The following MED27 variants were observed in gnomAD, a reference collection of about 807,000 sequenced individuals.
The protein encoded by MED27 is mediator of RNA polymerase II transcription subunit 27.
MED27 carries 30 observed loss-of-function variants against 38.2 expected under a neutral mutation model. That is an observed-to-expected ratio of 0.79 (90% CI 0.59 to 1.07). The LOEUF (loss-of-function observed/expected upper bound fraction) is 1.07, where lower values mean the gene tolerates loss of function less well. Among genes scored for constraint, MED27 ranks in the 50% least tolerant of loss-of-function variants. The pLI, the probability that MED27 is intolerant of heterozygous loss-of-function variation, is 0.00. For missense variants in MED27, 289 were observed against 397.5 expected (o/e 0.73, Z 2.32); for synonymous variants, 122 against 153.5 (o/e 0.79, Z 1.52).
chr9:131,952,098 A>T (rs993601563), intron 3 of MED27, among the ~76,000 whole-genome samples: 1 of 152,248 alleles, frequency 6.6e-6, no homozygotes, highest in Non-Finnish European at 1.5e-5. Context: ...ACTGTGCCCC[A>T]GGAGGCTGGC....
chr9:132,001,815 C>G (rs978721061), intron 3 of MED27, among the ~76,000 whole-genome samples: 9 of 152,238 alleles, frequency 5.9e-5, no homozygotes, highest in Non-Finnish European at 1.2e-4. Flanking sequence ...TGGCCCAGAG[C>G]CTCCATCGCT....
intron 6 of MED27, among the ~76,000 whole-genome samples, chr9:131,865,296 A>G (rs1201029781): frequency 6.6e-6 from 1 of 152,156 alleles, no homozygotes; most frequent in East Asian, 1.9e-4. Flanking sequence ...TTTCTTTTAA[A>G]CAGTAGTAAT....
chr9:131,927,445 T>C (rs554050759), intron 4 of MED27, among the ~76,000 whole-genome samples: 4 of 152,358 alleles, frequency 2.6e-5, no homozygotes, highest in South Asian at 2.1e-4. Flanking sequence ...TCTGCCAATA[T>C]GGACAAACAG....
At chr9:132,005,696 T>C (rs1458395487) in intron 3 of MED27, among the ~76,000 whole-genome samples, 1 of 152,172 alleles carries the variant, frequency 6.6e-6, no homozygotes, top group Admixed American at 6.6e-5. Context: ...GTCTAAAACA[T>C]TCCTATTCAC....
chr9:131,902,624 T>C (rs1330396986), intron 4 of MED27, among the ~76,000 whole-genome samples: 3 of 152,226 alleles, frequency 2.0e-5, no homozygotes, highest in Non-Finnish European at 4.4e-5. Flanking sequence ...TCACTCATTT[T>C]GCTCTGCAAA....
intron 3 of MED27, among the ~76,000 whole-genome samples, chr9:131,956,785 A>C (rs1263831408): frequency 6.6e-6 from 1 of 152,044 alleles, no homozygotes; most frequent in Non-Finnish European, 1.5e-5. Context: ...CAATAAATGC[A>C]GAAAAAACGT....
chr9:131,908,140 C>T lies in MED27; in HGVS notation c.574-14148G>A, dbSNP rs1830108308. Among the ~76,000 whole-genome samples, 4 of 101,870 alleles carry T rather than the reference C, an allele frequency of 3.9e-5. No individual in the cohort carries two copies. The South Asian group carries it at 1.2e-3, about 29-fold the overall frequency. 66.8% of individuals were successfully genotyped at this position (101,870 alleles called of 152,430 possible). ...CGGGAGGGAGGTGGGGGGGTCAGCCCCCCGCTCGGCCAGCCGCCCCGTCCA... is the reference window on the plus strand; with the variant it reads ...CGGGAGGGAGGTGGGGGGGTCAGCCTCCCGCTCGGCCAGCCGCCCCGTCCA... On this transcript the variant is annotated intron_variant, in intron 4 of 7. Coordinates refer to ENST00000292035, the MANE Select transcript of MED27 (RefSeq NM_004269.4).
intron 3 of MED27, among the ~76,000 whole-genome samples, chr9:131,964,395 A>AGG (rs1831296111): frequency 2.4e-5 from 1 of 41,568 alleles, no homozygotes; most frequent in African/African-American, 8.9e-5. Context: ...GGTGGTGGTG[A>AGG]TGCTGGAGGT....
At chr9:132,048,040 C>T (rs1833380279) in intron 2 of MED27, among the ~76,000 whole-genome samples, 2 of 152,170 alleles carry the variant, frequency 1.3e-5, no homozygotes, top group South Asian at 4.1e-4. Context: ...AATTCAAAAA[C>T]TGCAACCTCA....
intron 3 of MED27, among the ~76,000 whole-genome samples, chr9:132,006,883 A>C (rs1434807400): frequency 4.6e-5 from 7 of 152,204 alleles, no homozygotes; most frequent in Non-Finnish European, 7.3e-5. Context: ...GTTTTACATC[A>C]AGCAAAAAAC....
Position 132,038,835 on chromosome 9 carries a change from C to T in MED27, c.349-24368G>A, listed in dbSNP as rs1036376815. ...AGGAAGGAGCTGAGGTGGGTGAGGG[C>T]GGCCATTGTAAGCTTTCCTCTGGAT... On this transcript the variant is annotated intron_variant, in intron 2 of 7. Transcript: ENST00000292035. Among the ~76,000 whole-genome samples, 9 of 152,238 alleles carry T rather than the reference C, an allele frequency of 5.9e-5. 1 individual carries two copies. Among genetic ancestry groups the T allele is most frequent in the Admixed American group, 4.6e-4 (7 of 15,292 alleles).
intron 3 of MED27, among the ~76,000 whole-genome samples, chr9:131,998,046 C>G (rs961972258): frequency 1.3e-5 from 2 of 152,082 alleles, no homozygotes; most frequent in African/African-American, 4.8e-5. Flanking sequence ...GGGCAGAGTT[C>G]CAGGGCCACA....
intron 3 of MED27, among the ~76,000 whole-genome samples, chr9:132,002,932 A>AAAAAAG (rs1218400795): frequency 4.0e-5 from 6 of 151,632 alleles, no homozygotes; most frequent in East Asian, 3.9e-4. Flanking sequence ...AAAAAAAGAA[A>AAAAAAG]AAAGAAAAAG....
intron 3 of MED27, among the ~76,000 whole-genome samples, chr9:131,969,018 T>C (rs567196777): frequency 6.6e-6 from 1 of 152,186 alleles, no homozygotes; most frequent in African/African-American, 2.4e-5. Context: ...TGGGACTGTC[T>C]AGTTGCAGGA....
chr9:132,037,222 C>CACA (rs1833098125), intron 2 of MED27, among the ~76,000 whole-genome samples: 1 of 152,188 alleles, frequency 6.6e-6, no homozygotes. Context: ...AAGCTGAAGT[C>CACA]ACAACGCGAA....
chr9:131,869,441 C>A (rs1052162191), intron 6 of MED27: 3 of 975,402 alleles, frequency 3.1e-6, no homozygotes, highest in Non-Finnish European at 2.4e-6. Flanking sequence ...CACTCTGTGG[C>A]AGCCGAGGTT....
At chr9:132,014,280 G>C in intron 3 of MED27, 57 bp downstream of exon 3, 1 of 1,538,136 alleles carries the variant, frequency 6.5e-7, no homozygotes, top group Non-Finnish European at 8.8e-7. Flanking sequence ...CCAAAAACAA[G>C]TATAAAGTAA....
chr9:131,868,310 G>A (rs1838769986), intron 6 of MED27, among the ~76,000 whole-genome samples: 1 of 152,170 alleles, frequency 6.6e-6, no homozygotes, highest in Non-Finnish European at 1.5e-5. Context: ...ACAGGGTATT[G>A]CTCTGTCGCC....
chr9:132,068,084 G>T lies in MED27; in HGVS notation c.348+9358C>A, dbSNP rs183255127. Among the ~76,000 whole-genome samples, 188 of 152,188 alleles carry T rather than the reference G, an allele frequency of 1.2e-3. 5 individuals are homozygous for T. The highest frequency in any genetic ancestry group is 0.011 in the Admixed American group (174 of 15,292). On this transcript the variant is annotated intron_variant, in intron 2 of 7. Coordinates refer to ENST00000292035, the MANE Select transcript of MED27 (RefSeq NM_004269.4). ...AAGGGTTTCTTCCCCCCGCAAAAAG[G>T]GGGGAGGAAACAAGCTAGAAGAACA...
Sources: gnomAD v4.1 joint callset for allele counts (sites outside exome capture counted in the v4.1 genomes callset) on GRCh38, gnomAD v4.1.1 for gene constraint, MANE v1.5 for transcripts, NCBI Gene and HGNC (gene_info 2026-07-23, HGNC 2026-07-21) for gene names.